Variants in SLC1A4 observed in about 807,000 individuals in gnomAD.
SLC1A4 encodes solute carrier family 1 member 4, also known as neutral amino acid transporter A.
A neutral mutation model predicts 37.7 loss-of-function variants in SLC1A4; 19 were observed. The observed-to-expected ratio is 0.50, with a 90% confidence interval of 0.35 to 0.74. The LOEUF (loss-of-function observed/expected upper bound fraction) is 0.74, where lower values mean the gene tolerates loss of function less well. Ranked by LOEUF, SLC1A4 falls within the 30% of genes least tolerant of loss-of-function variation. SLC1A4 has a pLI of 0.01. For synonymous variants in SLC1A4, 299 were observed against 309.8 expected (o/e 0.97, Z 0.37); for missense variants, 570 against 712.9 (o/e 0.80, Z 2.28).
chr2:65,017,378 A>G (rs944523484), intron 5 of SLC1A4, among the ~76,000 whole-genome samples: 1 of 152,054 alleles, frequency 6.6e-6, no homozygotes, highest in African/African-American at 2.4e-5. Flanking sequence ...GGTTTTCCAA[A>G]TATGTTAAAA....
rs538309778 is a variant in SLC1A4, at chr2:65,021,205, G to A, written c.*59G>A. 107 of 1,395,424 alleles carry A rather than the reference G, an allele frequency of 7.7e-5. No individual in the cohort carries two copies. In the African/African-American group the frequency reaches 7.8e-4, roughly 10 times the overall value. The allele number at this position is 1,395,424 out of a possible 1,614,324, so 86.4% of individuals were successfully genotyped here. On this transcript the variant is annotated 3_prime_UTR_variant, in exon 8 of 8. Transcript: ENST00000234256. The stretch of plus-strand genomic sequence containing the variant: ...GATGTCCCACCCTGTTCACCCAGCC[G>A]CCAGTCATGGACACAGGGCACTGCC...
chr2:65,004,423 ATTAT>A (rs141003389), intron 3 of SLC1A4, among the ~76,000 whole-genome samples: 112 of 149,564 alleles, frequency 7.5e-4, no homozygotes, highest in Admixed American at 1.9e-3. Flanking sequence ...CTAATATTTT[ATTAT>A]TTATTTATTT....
intron 3 of SLC1A4, 51 bp downstream of exon 3, chr2:65,004,066 A>G (rs1673581658): frequency 1.4e-6 from 2 of 1,474,492 alleles, no homozygotes; most frequent in Non-Finnish European, 1.9e-6. Flanking sequence ...AACAAATCTT[A>G]TTTCTTCTTT....
rs1674486761 is a variant in SLC1A4 at position 65,022,981 on chromosome 2, C to G, written c.*1835C>G. ...ATCAAGCCACACCCCCTTCTTAAAA[C>G]TGGGGACATGAGCCTGAGCAGAAAG... On this transcript the variant is annotated 3_prime_UTR_variant, in exon 8 of 8. Transcript: ENST00000234256. 1 of 152,284 alleles carries G rather than the reference C, an allele frequency of 6.6e-6. No homozygotes were observed. The highest frequency in any genetic ancestry group is 2.4e-5 in the African/African-American group (1 of 41,436). 9.4% of individuals were successfully genotyped at this position (152,284 alleles called of 1,614,324 possible).
intron 2 of SLC1A4, among the ~76,000 whole-genome samples, chr2:65,002,524 T>C (rs1301555683): frequency 1.3e-5 from 2 of 150,718 alleles, no homozygotes; most frequent in African/African-American, 2.4e-5. Context: ...TTTCTGGTTT[T>C]CCCCTATTTT....
rs777786226 is a variant in SLC1A4 at position 65,018,315 on chromosome 2, A to T, written c.1229+50A>T. Reference sequence around the variant, plus strand: ...CTCAAAACTGAAGGCTTTTCTTGTGATTTCCTTTGAAAAACCAATCTCACC... The same window carrying T: ...CTCAAAACTGAAGGCTTTTCTTGTGTTTTCCTTTGAAAAACCAATCTCACC... On this transcript the variant is annotated intron_variant, in intron 6 of 7. Coordinates refer to ENST00000234256, the MANE Select transcript of SLC1A4 (RefSeq NM_003038.5). This position sits in a 1 kb window ranked among gnomAD's most constrained non-coding sequence, Gnocchi z 4.3. The T allele has an allele frequency of 6.3e-7, 1 of 1,575,434 alleles. No homozygotes were observed. Among genetic ancestry groups the T allele is most frequent in the African/African-American group, 1.4e-5 (1 of 73,580 alleles).
At chr2:64,991,305 C>T (rs1053877180) in intron 1 of SLC1A4, among the ~76,000 whole-genome samples, 2 of 151,332 alleles carry the variant, frequency 1.3e-5, no homozygotes, top group Non-Finnish European at 2.9e-5. Context: ...TCTAGGACAT[C>T]CGTATTTAAA....
chr2:65,017,953 GA>G lies in SLC1A4; in HGVS notation c.1035-116del, dbSNP rs1448297090. 7.2e-6 allele frequency: 6 copies of G among 829,964 alleles called. No individual in the cohort carries two copies. The Admixed American group carries it at 1.6e-4, about 22-fold the overall frequency. 51.4% of individuals were successfully genotyped at this position (829,964 alleles called of 1,614,324 possible). A position where few individuals can be genotyped will look rare whatever the true frequency, so the allele number is the denominator to read the frequency against. On this transcript the variant is annotated intron_variant, in intron 5 of 7. Transcript: ENST00000234256. ...TTCTGTTTTTTCCCTTATTTCAAGA[GA>G]AGAAAGCCAGAAACGAAGATGGTGC...
At position 65,006,239 on chromosome 2, in the gene SLC1A4, C is replaced by G. The variant is rs547404188; in HGVS notation, c.633+2224C>G. Among the ~76,000 whole-genome samples the G allele has an allele frequency of 1.3e-5, 2 of 152,126 alleles. 1 individual carries two copies. Among genetic ancestry groups the G allele is most frequent in the South Asian group, 4.1e-4 (2 of 4,830 alleles). On this transcript the variant is annotated intron_variant, in intron 3 of 7. Coordinates refer to ENST00000234256, the MANE Select transcript of SLC1A4 (RefSeq NM_003038.5). The stretch of plus-strand genomic sequence containing the variant: ...TGGTGCAGTGGTTCACACCTGTAAT[C>G]CCAGCACTTTGGGAGGCCAAGGCAG...
chr2:65,022,592 T>C lies in SLC1A4; in HGVS notation c.*1446T>C, dbSNP rs1176717499. The C allele has an allele frequency of 7.9e-6, 1 of 125,988 alleles. No homozygotes were observed. Among genetic ancestry groups the C allele is most frequent in the Non-Finnish European group, 1.8e-5 (1 of 54,792 alleles). 7.8% of individuals were successfully genotyped at this position (125,988 alleles called of 1,614,324 possible). A position where few individuals can be genotyped will look rare whatever the true frequency, so the allele number is the denominator to read the frequency against. Reference sequence around the variant, plus strand: ...TTCTCCACAGAGTCCTTTCTGCTGGTGAGGACAGCATTTCTGAGCAGGGCT... The same window carrying C: ...TTCTCCACAGAGTCCTTTCTGCTGGCGAGGACAGCATTTCTGAGCAGGGCT... On this transcript the variant is annotated 3_prime_UTR_variant, in exon 8 of 8. Transcript: ENST00000234256.
intron 1 of SLC1A4, chr2:65,000,828 C>T (rs1234277255): frequency 6.6e-6 from 1 of 152,292 alleles, no homozygotes; most frequent in Non-Finnish European, 1.5e-5. Flanking sequence ...CAGGACTCTA[C>T]TGCATTTAAC....
chr2:65,010,050 G>C (rs1673855386), intron 3 of SLC1A4, among the ~76,000 whole-genome samples: 1 of 151,922 alleles, frequency 6.6e-6, no homozygotes, highest in African/African-American at 2.4e-5. Context: ...TCCTGCCTCA[G>C]CCTCCCAAGT....
chr2:64,990,178 T>A lies in SLC1A4; in HGVS notation c.527+8T>A. On this transcript the variant is annotated splice_region_variant and intron_variant, in intron 1 of 7. Coordinates refer to ENST00000234256, the MANE Select transcript of SLC1A4 (RefSeq NM_003038.5). ...TTTCCTCGACCTGGCCAGGTAACAC[T>A]CTCCACCTCTCCCAGGGCCCAGTGG... is the stretch of plus-strand genomic sequence containing the variant. 6.3e-7 allele frequency: 1 copy of A among 1,583,024 alleles called. No homozygotes were observed. Among genetic ancestry groups the A allele is most frequent in the Middle Eastern group, 1.7e-4 (1 of 5,942 alleles).
intron 3 of SLC1A4, among the ~76,000 whole-genome samples, chr2:65,010,384 G>T (rs1673867828): frequency 1.3e-5 from 2 of 152,184 alleles, no homozygotes; most frequent in South Asian, 4.1e-4. Context: ...TTAACTAGAA[G>T]AAATTTTTGC....
chr2:64,989,734 C>G lies in SLC1A4; in HGVS notation c.91C>G (p.Arg31Gly), dbSNP rs976879943. Residue 31 changes from arginine (R) to glycine (G), a missense_variant, in exon 1 of 8, where the codon CGC (arginine) becomes GGC (glycine). Arg to Gly is a moderately radical substitution (Grantham distance 125). Coordinates refer to ENST00000234256, the MANE Select transcript of SLC1A4 (RefSeq NM_003038.5). ...GPGAPGTAAG[R>G]ARRCAGFLRR... ...CGGAGCTCCGGGGACCGCGGCGGGACGCGCACGGCGTTGCGCGGGCTTCCT... is the reference window on the plus strand; with the variant it reads ...CGGAGCTCCGGGGACCGCGGCGGGAGGCGCACGGCGTTGCGCGGGCTTCCT... 1 of 1,464,538 alleles carries G rather than the reference C, an allele frequency of 6.8e-7. No homozygotes were observed. Among genetic ancestry groups the G allele is most frequent in the South Asian group, 1.4e-5 (1 of 73,138 alleles). The allele number at this position is 1,464,538 out of a possible 1,614,324, so 90.7% of individuals were successfully genotyped here. A position where few individuals can be genotyped will look rare whatever the true frequency, so the allele number is the denominator to read the frequency against.
chr2:64,990,271 T>A, intron 1 of SLC1A4, 101 bp downstream of exon 1: 1 of 1,149,148 alleles, frequency 8.7e-7, no homozygotes, highest in Non-Finnish European at 1.2e-6. Flanking sequence ...AAGAGTTAAT[T>A]CTTAGCTGGC....
intron 4 of SLC1A4, among the ~76,000 whole-genome samples, chr2:65,012,930 C>T (rs904626159): frequency 6.6e-6 from 1 of 152,244 alleles, no homozygotes; most frequent in African/African-American, 2.4e-5. Flanking sequence ...TGTATTAGTC[C>T]GTTCTCACAC....
chr2:64,995,668 G>T (rs1029662395), intron 1 of SLC1A4, among the ~76,000 whole-genome samples: 1 of 152,024 alleles, frequency 6.6e-6, no homozygotes, highest in Non-Finnish European at 1.5e-5. Flanking sequence ...ATAAATACTA[G>T]CGATAATAAA....
At chr2:65,019,364 A>C (rs1674315728) in intron 7 of SLC1A4, among the ~76,000 whole-genome samples, 1 of 152,184 alleles carries the variant, frequency 6.6e-6, no homozygotes, top group Non-Finnish European at 1.5e-5. Context: ...TTGAAATCCC[A>C]GATTTGCCAT....
Sources: allele counts gnomAD v4.1 joint callset (sites outside exome capture counted in the v4.1 genomes callset), GRCh38; gene constraint gnomAD v4.1.1; non-coding constraint Gnocchi (gnomAD v3.1); transcripts MANE v1.5; gene names NCBI Gene and HGNC (gene_info 2026-07-23, HGNC 2026-07-21).